The following LARS1 variants were observed in gnomAD, a reference collection of about 807,000 sequenced individuals.
The protein encoded by LARS1 is leucine--tRNA ligase, cytoplasmic.
In LARS1, 100 loss-of-function variants were observed where a neutral mutation model predicts 162.8. That is an observed-to-expected ratio of 0.61 (90% CI 0.52 to 0.73). LARS1 has a LOEUF of 0.73. Among genes scored for constraint, LARS1 ranks in the 30% least tolerant of loss-of-function variants. The probability of loss-of-function intolerance (pLI) is 0.00; values close to 1 mark genes in which losing one functional copy is unlikely to be tolerated. For synonymous variants in LARS1, 457 were observed against 462.8 expected (o/e 0.99, Z 0.16); for missense variants, 1,258 against 1,408.9 (o/e 0.89, Z 1.71).
chr5:146,160,433 T>TGACAAAG lies in LARS1; in HGVS notation c.647_648insCTTTGTC (p.Arg219IlefsTer16). On this transcript the variant is annotated frameshift_variant, in exon 7 of 32. Transcript: ENST00000394434. LOFTEE classifies it high-confidence loss of function. ...ATGTTAAAAATTGCCATCTGACAAA[T>TGACAAAG]GAATCATAGTAAGGATTAACATCAG... The TGACAAAG allele has an allele frequency of 6.3e-7, 1 of 1,581,450 alleles. No homozygotes were observed. The highest frequency in any genetic ancestry group is 8.6e-7 in the Non-Finnish European group (1 of 1,165,754).
At position 146,128,484 on chromosome 5, in the gene LARS1, ACAGCAGCTTTTCCCT is replaced by A. The variant is rs11467105; in HGVS notation, c.2880+173_2880+187del. ...TAAATTTTTCAGAAATGAGAGGAAA[ACAGCAGCTTTTCCCT>A]CAGCATCCATTTAAGAGCCACCAAG... On this transcript the variant is annotated intron_variant, in intron 27 of 31. Transcript: ENST00000394434. Among the ~76,000 whole-genome samples, 33,801 of 152,038 alleles carry A rather than the reference ACAGCAGCTTTTCCCT, an allele frequency of 0.22. 4,811 individuals carry two copies. Among genetic ancestry groups the A allele is most frequent in the Admixed American group, 0.34 (5,110 of 15,244 alleles).
rs567706196 is a variant in LARS1 at position 146,129,058 on chromosome 5, G to A, written c.2689C>T (p.His897Tyr). The change falls in exon 26 of 32, where the codon CAC (histidine) becomes TAC (tyrosine). Residue 897 changes from histidine to tyrosine, a missense_variant. Transcript: ENST00000394434. ...VAGPVNEVLI[H>Y]SSQYLMEVTH... ...ACTTCCATAAGATACTGTGAGGAGT[G>A]TATTAAAACTTCATTAACAGGACCT... 3.7e-6 allele frequency: 6 copies of A among 1,610,314 alleles called. No individual in the cohort carries two copies. In the East Asian group the frequency reaches 8.9e-5, roughly 24 times the overall value.
chr5:146,159,422 A>G lies in LARS1; in HGVS notation c.756T>C (p.Asp252=). The change falls in exon 8 of 32, where the codon GAT becomes GAC. Residue 252 remains aspartate, a synonymous_variant. Transcript: ENST00000394434. ...PKDGQPCMDH[D]RQTGEGVGPQ... is the part of the protein sequence containing the mutation. ...AAATAATCACCTCTCCAGTTTGTCT[A>G]TCATGATCCATGCAAGGCTGTCCAT... 6.2e-7 allele frequency: 1 copy of G among 1,611,904 alleles called. No individual in the cohort carries two copies. The highest frequency in any genetic ancestry group is 8.5e-7 in the Non-Finnish European group (1 of 1,178,100).
chr5:146,129,448 T>A (rs1368765375), intron 25 of LARS1, among the ~76,000 whole-genome samples: 1 of 152,214 alleles, frequency 6.6e-6, no homozygotes, highest in East Asian at 1.9e-4. Context: ...ACACTCAGTT[T>A]TTATCCTGCT....
intron 31 of LARS1, among the ~76,000 whole-genome samples, chr5:146,115,194 A>AT (rs1580994717): frequency 6.6e-6 from 1 of 151,952 alleles, no homozygotes; most frequent in Non-Finnish European, 1.5e-5. Context: ...AATTGTGTGT[A>AT]TTTTTTAGCA....
chr5:146,174,529 T>TATATCC (rs1754448354), intron 2 of LARS1, among the ~76,000 whole-genome samples: 1 of 113,734 alleles, frequency 8.8e-6, no homozygotes, highest in African/African-American at 2.8e-5. Flanking sequence ...TCCATATATA[T>TATATCC]ATATATATCC....
intron 2 of LARS1, among the ~76,000 whole-genome samples, chr5:146,173,212 C>T (rs189201967): frequency 4.2e-4 from 64 of 151,958 alleles, no homozygotes; most frequent in South Asian, 4.2e-4. Context: ...TGATGGCGTG[C>T]GCTGATAATC....
chr5:146,129,057 T>C lies in LARS1; in HGVS notation c.2690A>G (p.His897Arg). 6.2e-7 allele frequency: 1 copy of C among 1,610,944 alleles called. No individual in the cohort carries two copies. Among genetic ancestry groups the C allele is most frequent in the East Asian group, 2.2e-5 (1 of 44,824 alleles). The change falls in exon 26 of 32, where the codon CAC (histidine) becomes CGC (arginine). Residue 897 changes from histidine to arginine, a missense_variant. Physicochemically the swap from His to Arg is conservative, Grantham distance 29 (BLOSUM62 0). Transcript: ENST00000394434. Reference protein sequence around the residue: ...VAGPVNEVLIHSSQYLMEVTH... With the variant: ...VAGPVNEVLIRSSQYLMEVTH... ...TACTTCCATAAGATACTGTGAGGAG[T>C]GTATTAAAACTTCATTAACAGGACC...
rs531785197 is a variant in LARS1, at chr5:146,128,964, C to G, written c.2769+14G>C. ...AGGAATAATCCTTTAAAAAAAAAAA[C>G]AAAAAAACTTTACCTTCCCTTTAGC... On this transcript the variant is annotated intron_variant, in intron 26 of 31. Coordinates refer to ENST00000394434, the MANE Select transcript of LARS1 (RefSeq NM_020117.11). 7 of 1,544,092 alleles carry G rather than the reference C, an allele frequency of 4.5e-6. No individual in the cohort carries two copies. The highest frequency in any genetic ancestry group is 6.1e-6 in the Non-Finnish European group (7 of 1,149,026).
chr5:146,130,107 G>A lies in LARS1; in HGVS notation c.2539C>T (p.Leu847Phe). 6.2e-7 allele frequency: 1 copy of A among 1,613,860 alleles called. No homozygotes were observed. Among genetic ancestry groups the A allele is most frequent in the South Asian group, 1.1e-5 (1 of 91,070 alleles). Residue 847 changes from leucine (L) to phenylalanine (F), a missense_variant, in exon 25 of 32, where the codon CTT becomes TTT. Physicochemically the swap from Leu to Phe is conservative, Grantham distance 22. Coordinates refer to ENST00000394434, the MANE Select transcript of LARS1 (RefSeq NM_020117.11). ...ELAVEGMHRE[L>F]VFRFIEVQTL... is the part of the protein sequence containing the mutation. ...TGAACTTCAATAAACCGGAACACAA[G>A]TTCTCTGTGCATCCCTTCCACAGCC... is the stretch of plus-strand genomic sequence containing the variant.
At chr5:146,152,036 C>T (rs751257546) in intron 13 of LARS1, 34 bp from the exon 14 acceptor site, 2 of 1,611,694 alleles carry the variant, frequency 1.2e-6, no homozygotes, top group Admixed American at 1.7e-5. Flanking sequence ...CGTGTTCACA[C>T]TGACTGGACA....
At chr5:146,141,231 A>T (rs1752764430) in intron 20 of LARS1, among the ~76,000 whole-genome samples, 1 of 152,178 alleles carries the variant, frequency 6.6e-6, no homozygotes, top group Non-Finnish European at 1.5e-5. Context: ...TTAGCTGGGT[A>T]GCTTTGGATT....
At chr5:146,121,545 G>C (rs1040402652) in intron 30 of LARS1, among the ~76,000 whole-genome samples, 1 of 152,004 alleles carries the variant, frequency 6.6e-6, no homozygotes, top group Non-Finnish European at 1.5e-5. Flanking sequence ...ACTGCAGCAC[G>C]GGCCACAATA....
intron 8 of LARS1, among the ~76,000 whole-genome samples, chr5:146,158,889 G>A (rs952476401): frequency 2.6e-5 from 4 of 152,144 alleles, no homozygotes; most frequent in Non-Finnish European, 5.9e-5. Flanking sequence ...GAGGTCAGGA[G>A]ATCGAGACCA....
intron 31 of LARS1, among the ~76,000 whole-genome samples, chr5:146,117,017 T>C (rs1003184381): frequency 5.3e-5 from 8 of 152,174 alleles, no homozygotes; most frequent in Non-Finnish European, 1.0e-4. Flanking sequence ...CAGATACTTA[T>C]AGGAATAGCA....
intron 15 of LARS1, among the ~76,000 whole-genome samples, chr5:146,146,935 A>C (rs1436872519): frequency 6.6e-6 from 1 of 151,872 alleles, no homozygotes; most frequent in African/African-American, 2.4e-5. Flanking sequence ...GCTGGTCTCA[A>C]ACTTGACCTC....
intron 27 of LARS1, among the ~76,000 whole-genome samples, chr5:146,128,277 G>A (rs73315750): frequency 0.026 from 4,007 of 152,042 alleles, 161 homozygotes; most frequent in African/African-American, 0.087. Flanking sequence ...ACAAGGTTAC[G>A]ATTTGAAATA....
chr5:146,149,561 C>T (rs375815600), intron 15 of LARS1, 61 bp downstream of exon 15: 1 of 1,163,332 alleles, frequency 8.6e-7, no homozygotes, highest in African/African-American at 1.5e-5. Flanking sequence ...CTGCTAATAA[C>T]ACTGTCAAGT....
At chr5:146,121,745 A>G (rs1050568100) in intron 30 of LARS1, among the ~76,000 whole-genome samples, 36 of 152,264 alleles carry the variant, frequency 2.4e-4, no homozygotes, top group African/African-American at 8.4e-4. Flanking sequence ...CAAACACTGC[A>G]TGTTCTCACT....
Sources: allele counts gnomAD v4.1 joint callset (sites outside exome capture counted in the v4.1 genomes callset), GRCh38; gene constraint gnomAD v4.1.1; transcripts MANE v1.5; gene names NCBI Gene and HGNC (gene_info 2026-07-23, HGNC 2026-07-21).